The following C12orf43 variants were observed in gnomAD, a reference collection of about 807,000 sequenced individuals.
C12orf43 encodes the protein chromosome 12 open reading frame 43.
A neutral mutation model predicts 20.6 loss-of-function variants in C12orf43; 15 were observed. The observed-to-expected ratio is 0.73, with a 90% CI of 0.49 to 1.12. The LOEUF is 1.12. Ranked by LOEUF, C12orf43 falls within the 50% of genes most tolerant of loss-of-function variation. The pLI, the probability that C12orf43 is intolerant of heterozygous loss-of-function variation, is 0.00. For synonymous variants in C12orf43, 144 were observed against 130.8 expected, an observed-to-expected ratio of 1.10 and a Z score of -0.69; for missense variants, 334 against 344.4, an observed-to-expected ratio of 0.97 and a Z score of 0.24.
At chr12:121,009,503 G>A (rs1878281087) in intron 3 of C12orf43, among the ~76,000 whole-genome samples, 1 of 152,116 alleles carries the variant, frequency 6.6e-6, no homozygotes, top group South Asian at 2.1e-4. Context: ...AGGAGATGGG[G>A]GCCTTTGAGA....
rs1046848947 is a variant in C12orf43, at chr12:121,004,937, A to G, written c.452+66T>C. 2.9e-5 allele frequency: 36 copies of G among 1,231,922 alleles called. No individual in the cohort carries two copies. The highest frequency in any genetic ancestry group is 1.9e-5 in the South Asian group (1 of 52,738). 76.3% of individuals were successfully genotyped at this position (1,231,922 alleles called of 1,614,324 possible). ...TGACTGGAGTCTGCTTGGCTATTCC[A>G]GGGAACCCACCAAGACAGAAGAGGA... On this transcript the variant is annotated intron_variant, in intron 5 of 5. Coordinates refer to ENST00000288757, the MANE Select transcript of C12orf43 (RefSeq NM_022895.3). This position sits in a 1 kb window ranked among gnomAD's most constrained non-coding sequence, Gnocchi z 5.6.
Position 121,004,101 on chromosome 12 carries a change from G to C in C12orf43, c.*52C>G, listed in dbSNP as rs183490839. 553 of 1,569,632 alleles carry C rather than the reference G, an allele frequency of 3.5e-4. 2 individuals are homozygous for C. The African/African-American group carries it at 6.2e-3, about 18-fold the overall frequency. ...TTGGAAATGCCTTGTCCCCAGGGTGGGGGGGACACCTTGTCCTTGGAGCTG... is the reference window on the plus strand; with the variant it reads ...TTGGAAATGCCTTGTCCCCAGGGTGCGGGGGACACCTTGTCCTTGGAGCTG... On this transcript the variant is annotated 3_prime_UTR_variant, in exon 6 of 6. Transcript: ENST00000288757. The surrounding 1 kb of genome is among the most constrained non-coding windows in gnomAD (Gnocchi z 5.6).
chr12:121,009,049 T>C (rs1238943554), intron 3 of C12orf43, among the ~76,000 whole-genome samples: 1 of 152,228 alleles, frequency 6.6e-6, no homozygotes, highest in Admixed American at 6.5e-5. Context: ...GATTGCAGTG[T>C]TTCTCACGCT....
In C12orf43 at chr12:121,004,464, G is replaced by A. The variant is rs367831222; in HGVS notation, c.478C>T (p.Arg160Trp). Residue 160 changes from arginine (R) to tryptophan (W), a missense_variant, in exon 6 of 6, where the codon CGG becomes TGG. Physicochemically the swap from Arg to Trp is moderately radical, Grantham distance 101. Transcript: ENST00000288757. This position sits in a 1 kb window ranked among gnomAD's most constrained non-coding sequence, Gnocchi z 5.6. Reference sequence around the variant, plus strand: ...GCCGACACAGCTGCCTCCCGGCACCGCCGCCACTCCTCGTCACTGTCCTCA... The same window carrying A: ...GCCGACACAGCTGCCTCCCGGCACCACCGCCACTCCTCGTCACTGTCCTCA... ...SSEDSDEEWR[R>W]CREAAVSASD... 2.2e-5 allele frequency: 35 copies of A among 1,608,372 alleles called. No individual in the cohort carries two copies. Among genetic ancestry groups the A allele is most frequent in the East Asian group, 4.5e-5 (2 of 44,878 alleles).
chr12:121,000,811 C>G lies in C12orf43; in HGVS notation c.*3342G>C, dbSNP rs757311216. ...CAAGCCAACACGTACAACTACCTAC[C>G]TCGGCATCTCACCGGGGCTTCTCCA... On this transcript the variant is annotated 3_prime_UTR_variant, in exon 6 of 6. Coordinates refer to ENST00000288757, the MANE Select transcript of C12orf43 (RefSeq NM_022895.3). The G allele has an allele frequency of 5.7e-6, 3 of 527,224 alleles. No individual in the cohort carries two copies. Among genetic ancestry groups the G allele is most frequent in the Non-Finnish European group, 1.0e-5 (3 of 288,836 alleles). The allele number at this position is 527,224 out of a possible 1,614,324, so 32.7% of individuals were successfully genotyped here.
intron 1 of C12orf43, among the ~76,000 whole-genome samples, chr12:121,013,617 G>C (rs1199124642): frequency 6.6e-6 from 1 of 152,190 alleles, no homozygotes; most frequent in Non-Finnish European, 1.5e-5. Flanking sequence ...AGTCAAAGTA[G>C]ATGCTACCCT....
chr12:121,016,469 C>T lies in C12orf43; in HGVS notation c.6G>A (p.Ala2=). M[A]APSGTVSDSE... is the part of the protein sequence containing the mutation. ...AATCGCTCACTGTGCCACTGGGCGC[C>T]GCCATCTTGAACCACCGCAAAGGAT... is the stretch of plus-strand genomic sequence containing the variant. The change falls in exon 1 of 6, where the codon GCG becomes GCA. Residue 2 remains alanine, a synonymous_variant. Coordinates refer to ENST00000288757, the MANE Select transcript of C12orf43 (RefSeq NM_022895.3). The T allele has an allele frequency of 2.5e-6, 4 of 1,614,048 alleles. No individual in the cohort carries two copies. In the South Asian group the frequency reaches 4.4e-5, roughly 18 times the overall value.
chr12:121,015,086 C>T (rs905614311), intron 1 of C12orf43, among the ~76,000 whole-genome samples: 1 of 152,210 alleles, frequency 6.6e-6, no homozygotes, highest in African/African-American at 2.4e-5. Context: ...ATTGCATTAT[C>T]TCAGTTACTT....
rs1477602020 is a variant in C12orf43 at position 121,001,814 on chromosome 12, G to A, written c.*2339C>T. On this transcript the variant is annotated 3_prime_UTR_variant, in exon 6 of 6. Transcript: ENST00000288757. ...TCTAACGCCTGAGCCCAGGGAGGCC[G>A]AAGCTAACAGGGAAGGCAGGCAGGG... is the stretch of plus-strand genomic sequence containing the variant. 1 of 535,426 alleles carries A rather than the reference G, an allele frequency of 1.9e-6. No homozygotes were observed. Among genetic ancestry groups the A allele is most frequent in the Admixed American group, 2.2e-5 (1 of 44,818 alleles). 33.2% of individuals were successfully genotyped at this position (535,426 alleles called of 1,614,324 possible).
chr12:121,008,097 C>A (rs1187010266), intron 3 of C12orf43, among the ~76,000 whole-genome samples: 6 of 151,916 alleles, frequency 3.9e-5, no homozygotes, highest in Non-Finnish European at 8.8e-5. Context: ...TTGAGAGACA[C>A]TGACCTAACA....
At chr12:121,008,861 C>A (rs927513697) in intron 3 of C12orf43, among the ~76,000 whole-genome samples, 1 of 152,230 alleles carries the variant, frequency 6.6e-6, no homozygotes, top group Non-Finnish European at 1.5e-5. Context: ...ACCAGTGTAT[C>A]CCCAGACCTG....
Position 121,003,945 on chromosome 12 carries a change from CTTGA to C in C12orf43, c.*204_*207del. On this transcript the variant is annotated 3_prime_UTR_variant, in exon 6 of 6. Transcript: ENST00000288757. ...TCCGTGGGAGCACAGAGGGGCAGGC[CTTGA>C]TTGGTCTTCTCACCCTACAGCCACT... is the stretch of plus-strand genomic sequence containing the variant. 1 of 613,520 alleles carries C rather than the reference CTTGA, an allele frequency of 1.6e-6. No homozygotes were observed. Among genetic ancestry groups the C allele is most frequent in the Non-Finnish European group, 2.9e-6 (1 of 345,012 alleles). 38.0% of individuals were successfully genotyped at this position (613,520 alleles called of 1,614,324 possible).
Position 121,004,508 on chromosome 12 carries a change from A to G in C12orf43, c.453-19T>C. 5 of 1,569,822 alleles carry G rather than the reference A, an allele frequency of 3.2e-6. No individual in the cohort carries two copies. Among genetic ancestry groups the G allele is most frequent in the Non-Finnish European group, 4.3e-6 (5 of 1,160,712 alleles). On this transcript the variant is annotated intron_variant, in intron 5 of 5. Coordinates refer to ENST00000288757, the MANE Select transcript of C12orf43 (RefSeq NM_022895.3). This position sits in a 1 kb window ranked among gnomAD's most constrained non-coding sequence, Gnocchi z 5.6. Reference sequence around the variant, plus strand: ...GTCCTCACTGCTGCAACGAGAGGGTACCCTGGGTTAGCTGGAGTCAGGACA... The same window carrying G: ...GTCCTCACTGCTGCAACGAGAGGGTGCCCTGGGTTAGCTGGAGTCAGGACA...
chr12:121,016,448 G>C lies in C12orf43; in HGVS notation c.27C>G (p.Ser9Arg). 1 of 1,614,014 alleles carries C rather than the reference G, an allele frequency of 6.2e-7. No homozygotes were observed. The highest frequency in any genetic ancestry group is 2.2e-5 in the East Asian group (1 of 44,878). Reference sequence around the variant, plus strand: ...TACTGCTGTTACTACTTTCCGAATCGCTCACTGTGCCACTGGGCGCCGCCA... The same window carrying C: ...TACTGCTGTTACTACTTTCCGAATCCCTCACTGTGCCACTGGGCGCCGCCA... MAAPSGTV[S>R]DSESSNSSSD... Residue 9 changes from serine (S) to arginine (R), a missense_variant, in exon 1 of 6, where the codon AGC becomes AGG. Coordinates refer to ENST00000288757, the MANE Select transcript of C12orf43 (RefSeq NM_022895.3).
At position 121,004,928 on chromosome 12, in the gene C12orf43, G is replaced by T; in HGVS notation, c.452+75C>A. ...GCCTGGTCCTGACTGGAGTCTGCTT[G>T]GCTATTCCAGGGAACCCACCAAGAC... On this transcript the variant is annotated intron_variant, in intron 5 of 5. Transcript: ENST00000288757. This position sits in a 1 kb window ranked among gnomAD's most constrained non-coding sequence, Gnocchi z 5.6. 8.9e-7 allele frequency: 1 copy of T among 1,128,200 alleles called. No homozygotes were observed. The allele number at this position is 1,128,200 out of a possible 1,614,324, so 69.9% of individuals were successfully genotyped here.
Position 121,005,057 on chromosome 12 carries a change from C to A in C12orf43, c.398G>T (p.Arg133Leu), listed in dbSNP as rs577159438. Residue 133 changes from arginine to leucine, a missense_variant, in exon 5 of 6, where the codon CGT (arginine) becomes CTT (leucine). Physicochemically the swap from Arg to Leu is moderately radical, Grantham distance 102. Transcript: ENST00000288757. The surrounding 1 kb of genome is among the most constrained non-coding windows in gnomAD (Gnocchi z 5.6). ...RLFFTSVPGG[R>L]EKEESPQPRR... The stretch of plus-strand genomic sequence containing the variant: ...GGGTTGGGGAGACTCTTCCTTCTCA[C>A]GGCCTCCAGGGACAGATGTGAAGAA... 10 of 1,502,132 alleles carry A rather than the reference C, an allele frequency of 6.7e-6. No individual in the cohort carries two copies. The Admixed American group carries it at 1.1e-4, about 17-fold the overall frequency. 93.1% of individuals were successfully genotyped at this position (1,502,132 alleles called of 1,614,324 possible). A position where few individuals can be genotyped will look rare whatever the true frequency, so the allele number is the denominator to read the frequency against.
chr12:121,016,447 C>T lies in C12orf43; in HGVS notation c.28G>A (p.Asp10Asn), dbSNP rs773825913. The change falls in exon 1 of 6, where the codon GAT becomes AAT. Residue 10 changes from aspartate to asparagine, a missense_variant. Coordinates refer to ENST00000288757, the MANE Select transcript of C12orf43 (RefSeq NM_022895.3). MAAPSGTVS[D>N]SESSNSSSDA... is the part of the protein sequence containing the mutation. ...CTACTGCTGTTACTACTTTCCGAATCGCTCACTGTGCCACTGGGCGCCGCC... is the reference window on the plus strand; with the variant it reads ...CTACTGCTGTTACTACTTTCCGAATTGCTCACTGTGCCACTGGGCGCCGCC... 2 of 1,614,092 alleles carry T rather than the reference C, an allele frequency of 1.2e-6. No individual in the cohort carries two copies. Among genetic ancestry groups the T allele is most frequent in the Non-Finnish European group, 1.7e-6 (2 of 1,180,034 alleles).
chr12:121,010,982 A>G, intron 2 of C12orf43, 56 bp from the exon 3 acceptor site: 1 of 1,599,966 alleles, frequency 6.3e-7, no homozygotes, highest in Middle Eastern at 1.7e-4. Flanking sequence ...TGTCCCCATG[A>G]GCACAGGGAC....
chr12:121,001,215 C>T lies in C12orf43; in HGVS notation c.*2938G>A, dbSNP rs1179505307. 6.2e-7 allele frequency: 1 copy of T among 1,612,950 alleles called. No individual in the cohort carries two copies. The highest frequency in any genetic ancestry group is 1.3e-5 in the African/African-American group (1 of 74,906). Reference sequence around the variant, plus strand: ...TAACCACGGCACCTGGGCCCTGGGGCCTGTACTGCCTGCTTGGGGGGTGAT... The same window carrying T: ...TAACCACGGCACCTGGGCCCTGGGGTCTGTACTGCCTGCTTGGGGGGTGAT... On this transcript the variant is annotated 3_prime_UTR_variant, in exon 6 of 6. Coordinates refer to ENST00000288757, the MANE Select transcript of C12orf43 (RefSeq NM_022895.3).
Sources: gnomAD v4.1 joint callset for allele counts (sites outside exome capture counted in the v4.1 genomes callset) on GRCh38, gnomAD v4.1.1 for gene constraint, Gnocchi (gnomAD v3.1) non-coding constraint, MANE v1.5 for transcripts, NCBI Gene and HGNC (gene_info 2026-07-23, HGNC 2026-07-21) for gene names.